MZF1: variants seen among roughly 807,000 people sequenced by gnomAD.
MZF1 encodes the protein zinc finger and SCAN domain-containing protein 6.
MZF1 carries 24 observed loss-of-function variants against 28.6 expected under a neutral mutation model. That is an observed-to-expected ratio of 0.84 (90% CI 0.61 to 1.18). MZF1 has a LOEUF of 1.18. MZF1 is among the 50% of genes most tolerant of loss of function. The pLI, the probability that MZF1 is intolerant of heterozygous loss-of-function variation, is 0.00. For synonymous variants in MZF1, 516 were observed against 432.5 expected, an observed-to-expected ratio of 1.19 and a Z score of -2.40; for missense variants, 1,166 against 1,026.4, an observed-to-expected ratio of 1.14 and a Z score of -1.86.
Position 58,562,962 on chromosome 19 carries a change from G to T in MZF1, c.1315C>A (p.Pro439Thr), listed in dbSNP as rs368717285. 1.9e-6 allele frequency: 3 copies of T among 1,600,650 alleles called. No individual in the cohort carries two copies. The Admixed American group carries it at 5.0e-5, about 27-fold the overall frequency. The change falls in exon 6 of 6, where the codon CCT (proline) becomes ACT (threonine). Residue 439 changes from proline (P) to threonine (T), a missense_variant. Transcript: ENST00000215057. ...EHRRVHTGEQPFRCAECGQSF... is the reference protein window; with the variant it reads ...EHRRVHTGEQTFRCAECGQSF... The stretch of plus-strand genomic sequence containing the variant: ...TGGCCGCACTCAGCGCAACGGAAAG[G>T]CTGTTCGCCCGTGTGCACTCTCCGA...
Position 58,563,431 on chromosome 19 carries a change from G to A in MZF1, c.846C>T (p.Asp282=). The part of the protein sequence containing the change: ...SVSPHLHVPW[D]LGMAGLSGQI... ...GGCCAGAAAGGCCAGCCATGCCGAGGTCCCAGGGGACGTGGAGGTGAGGGC... is the reference window on the plus strand; with the variant it reads ...GGCCAGAAAGGCCAGCCATGCCGAGATCCCAGGGGACGTGGAGGTGAGGGC... The change falls in exon 6 of 6, where the codon GAC becomes GAT. Residue 282 remains aspartate, a synonymous_variant. Transcript: ENST00000215057. The A allele has an allele frequency of 1.3e-6, 2 of 1,590,676 alleles. No individual in the cohort carries two copies. Among genetic ancestry groups the A allele is most frequent in the Non-Finnish European group, 1.7e-6 (2 of 1,168,448 alleles).
At chr19:58,569,217 C>T (rs762259356) in intron 5 of MZF1, 60 bp downstream of exon 5, 27 of 1,512,142 alleles carry the variant, frequency 1.8e-5, no homozygotes, top group Admixed American at 2.2e-5. Flanking sequence ...GGAGTGGGGT[C>T]GGCAGAGATG....
chr19:58,569,487 A>C, intron 4 of MZF1, 29 bp downstream of exon 4: 1 of 1,613,140 alleles, frequency 6.2e-7, no homozygotes. Context: ...CAGGGAAAGG[A>C]GGAGAACATG....
At chr19:58,565,664 A>T (rs141887102) in intron 5 of MZF1, among the ~76,000 whole-genome samples, 1 of 150,968 alleles carries the variant, frequency 6.6e-6, no homozygotes, top group African/African-American at 2.4e-5. Flanking sequence ...ACCCGAGTAG[A>T]TGGGACTACA....
At position 58,562,275 on chromosome 19, in the gene MZF1, G is replaced by C. The variant is rs2053940915; in HGVS notation, c.2002C>G (p.Leu668Val). ...CGQSFRQHAN[L>V]TQHRRIHTGE... ...GTGTGGATGCGCCGGTGCTGGGTGA[G>C]GTTGGCGTGCTGCCGAAAGCTCTGG... Residue 668 changes from leucine to valine, a missense_variant, in exon 6 of 6, where the codon CTC becomes GTC. By Grantham distance (32) the Leu-to-Val change is conservative (BLOSUM62 1). Transcript: ENST00000215057. The C allele has an allele frequency of 2.5e-6, 4 of 1,605,970 alleles. No individual in the cohort carries two copies. The highest frequency in any genetic ancestry group is 4.5e-5 in the East Asian group (2 of 44,620).
Position 58,570,863 on chromosome 19 carries a change from G to C in MZF1, c.396+131C>G, listed in dbSNP as rs543319371. 7 of 1,014,338 alleles carry C rather than the reference G, an allele frequency of 6.9e-6. No individual in the cohort carries two copies. In the South Asian group the frequency reaches 1.1e-4, roughly 16 times the overall value. 62.8% of individuals were successfully genotyped at this position (1,014,338 alleles called of 1,614,324 possible). ...TCTGCCCTGGGCAGCCTTGCACAGG[G>C]TCTCTGTTGCAGGTGGCCACTTCTG... On this transcript the variant is annotated intron_variant, in intron 2 of 5. Transcript: ENST00000215057.
intron 1 of MZF1, among the ~76,000 whole-genome samples, chr19:58,572,120 C>T (rs2054175832): frequency 6.6e-6 from 1 of 152,152 alleles, no homozygotes; most frequent in Non-Finnish European, 1.5e-5. Flanking sequence ...GCATCAGCAT[C>T]ACTGCTGGCG....
intron 5 of MZF1, among the ~76,000 whole-genome samples, chr19:58,564,902 GTTTTTTTTTTTTTT>G (rs71190056): frequency 5.2e-4 from 22 of 41,992 alleles, no homozygotes; most frequent in Non-Finnish European, 6.9e-4. Context: ...CCATGTGTGT[GTTTTTTTTTTTTTT>G]TTTTTTTTTT....
intron 3 of MZF1, chr19:58,569,916 T>G: frequency 3.1e-6 from 1 of 326,194 alleles, no homozygotes; most frequent in African/African-American, 2.1e-5. Context: ...GAGCAGCTAG[T>G]TCAGGTGCCC....
rs1057158311 is a variant in MZF1 at position 58,562,992 on chromosome 19, C to T, written c.1285G>A (p.Glu429Lys). The T allele has an allele frequency of 3.1e-6, 5 of 1,601,920 alleles. No homozygotes were observed. The highest frequency in any genetic ancestry group is 4.2e-6 in the Non-Finnish European group (5 of 1,179,690). The stretch of plus-strand genomic sequence containing the variant: ...TCGCCCGTGTGCACTCTCCGATGCT[C>T]TTCCAGGCGCGCGCTGCGCACGAAG... Reference protein sequence around the residue: ...QGFVRSARLEEHRRVHTGEQP... With the variant: ...QGFVRSARLEKHRRVHTGEQP... Residue 429 changes from glutamate (E) to lysine (K), a missense_variant, in exon 6 of 6, where the codon GAG becomes AAG. By Grantham distance (56) the Glu-to-Lys change is moderately conservative. Transcript: ENST00000215057.
intron 5 of MZF1, chr19:58,568,954 A>G: frequency 4.1e-6 from 1 of 246,662 alleles, no homozygotes; most frequent in Non-Finnish European, 7.9e-6. Flanking sequence ...AGCAGGATGC[A>G]AGCCCAGGAG....
Position 58,569,282 on chromosome 19 carries a change from G to A in MZF1, c.767C>T (p.Ser256Phe), listed in dbSNP as rs775891344. The change falls in exon 5 of 6, where the codon TCC (serine) becomes TTC (phenylalanine). Residue 256 changes from serine to phenylalanine, a missense_variant. Coordinates refer to ENST00000215057, the MANE Select transcript of MZF1 (RefSeq NM_198055.2). ...LWHEEAGGIF[S>F]PGFALQLGSI... is the part of the protein sequence containing the mutation. ...CCACACCCCATCTCACTTACCTGGG[G>A]AGAAGATGCCCCCAGCTTCCTCATG... The A allele has an allele frequency of 3.1e-6, 5 of 1,601,732 alleles. No individual in the cohort carries two copies. The Admixed American group carries it at 8.6e-5, about 27-fold the overall frequency.
rs777134618 is a variant in MZF1 at position 58,562,449 on chromosome 19, GGCGCTGGCTGAA to G, written c.1816_1827del (p.Phe606_Arg609del). ...GTCCTCTGATGACGCGTGAGCTTGA[GGCGCTGGCTGAA>G]GCGCTGGCCACACTCGGGGCAGGCA... On this transcript the variant is annotated inframe_deletion, in exon 6 of 6. Coordinates refer to ENST00000215057, the MANE Select transcript of MZF1 (RefSeq NM_198055.2). 3.7e-6 allele frequency: 6 copies of G among 1,610,860 alleles called. No homozygotes were observed. Among genetic ancestry groups the G allele is most frequent in the Admixed American group, 1.7e-5 (1 of 59,602 alleles).
In MZF1 at chr19:58,571,239, G is replaced by A. The variant is rs377275321; in HGVS notation, c.151C>T (p.Arg51Cys). The A allele has an allele frequency of 1.1e-4, 170 of 1,612,410 alleles. 1 individual carries two copies. The highest frequency in any genetic ancestry group is 2.0e-4 in the South Asian group (18 of 90,874). ...TGGGGCCCTGTGGCCTCCTCATAGC[G>A]GAAGCACCGGAAACGCAGGCGTGCA... ...EAARLRFRCF[R>C]YEEATGPQEA... The change falls in exon 2 of 6, where the codon CGC (arginine) becomes TGC (cysteine). Residue 51 changes from arginine (R) to cysteine (C), a missense_variant. Physicochemically the swap from Arg to Cys is radical, Grantham distance 180. Coordinates refer to ENST00000215057, the MANE Select transcript of MZF1 (RefSeq NM_198055.2).
Position 58,570,530 on chromosome 19 carries a change from G to A in MZF1, c.397-3C>T. On this transcript the variant is annotated splice_region_variant and splice_polypyrimidine_tract_variant and intron_variant, in intron 2 of 5. Coordinates refer to ENST00000215057, the MANE Select transcript of MZF1 (RefSeq NM_198055.2). ...TGGCCCTGCACCTGGACTGTGACCT[G>A]GGGAGGTGCCCCCACCATCAGAAGT... The A allele has an allele frequency of 6.2e-7, 1 of 1,610,292 alleles. No individual in the cohort carries two copies.
intron 2 of MZF1, 66 bp from the exon 3 acceptor site, chr19:58,570,593 G>C (rs947894557): frequency 6.6e-7 from 1 of 1,521,132 alleles, no homozygotes; most frequent in Non-Finnish European, 8.9e-7. Flanking sequence ...CCTGGGGTTT[G>C]TGGGTGCCCA....
In MZF1 at chr19:58,563,290, A is replaced by G; in HGVS notation, c.987T>C (p.Ala329=). The G allele has an allele frequency of 6.2e-7, 1 of 1,607,786 alleles. No individual in the cohort carries two copies. Among genetic ancestry groups the G allele is most frequent in the South Asian group, 1.1e-5 (1 of 90,312 alleles). ...GGGAGCGCCAGCGGGTGGTGATCAG[A>G]GCAGGGCCCACACCCCGGCAGGGAT... The part of the protein sequence containing the change: ...DEDPCRGVGP[A]LITTRWRSPR... The change falls in exon 6 of 6, where the codon GCT becomes GCC. Residue 329 remains alanine (A), a synonymous_variant. Coordinates refer to ENST00000215057, the MANE Select transcript of MZF1 (RefSeq NM_198055.2).
chr19:58,563,753 G>T (rs2053985300), intron 5 of MZF1: 2 of 425,600 alleles, frequency 4.7e-6, no homozygotes, highest in Admixed American at 4.3e-5. Context: ...ATTTAGGTTG[G>T]AAAAAATCGT....
chr19:58,562,738 A>G lies in MZF1; in HGVS notation c.1539T>C (p.Phe513=), dbSNP rs1472448239. 8 of 1,535,888 alleles carry G rather than the reference A, an allele frequency of 5.2e-6. No individual in the cohort carries two copies. The East Asian group carries it at 1.2e-4, about 23-fold the overall frequency. The part of the protein sequence containing the change: ...HQAVHTGDKS[F]GCVECGERFG... ...AGCGCTCGCCGCACTCGACGCAGCC[A>G]AAGGACTTGTCGCCCGTGTGTACCG... The change falls in exon 6 of 6, where the codon TTT becomes TTC. Residue 513 remains phenylalanine, a synonymous_variant. Coordinates refer to ENST00000215057, the MANE Select transcript of MZF1 (RefSeq NM_198055.2).
Sources: allele counts gnomAD v4.1 joint callset (sites outside exome capture counted in the v4.1 genomes callset), GRCh38; gene constraint gnomAD v4.1.1; transcripts MANE v1.5; gene names NCBI Gene and HGNC (gene_info 2026-07-23, HGNC 2026-07-21).